The following B3GALT1 variants were observed in gnomAD, a reference collection of about 807,000 sequenced individuals.
The protein encoded by B3GALT1 is UDP-Gal:betaGlcNAc beta 1,3-galactosyltransferase, polypeptide 1.
Under a neutral mutation model 23.2 loss-of-function variants are expected in B3GALT1, and 10 were observed. The ratio of observed to expected loss-of-function variants is 0.43; its 90% confidence interval spans 0.27 to 0.73. B3GALT1 has a LOEUF of 0.73. B3GALT1 is among the 30% of genes least tolerant of loss of function. The pLI is 0.21. For synonymous variants in B3GALT1, 156 were observed against 141.5 expected (o/e 1.10, Z -0.73); for missense variants, 299 against 405.4 (o/e 0.74, Z 2.25).
In B3GALT1 at chr2:167,452,477, G is replaced by A. The variant is rs1007753516; in HGVS notation, c.-510-37700G>A. 3.9e-5 allele frequency among the ~76,000 whole-genome samples: 6 copies of A among 152,278 alleles called. No individual in the cohort carries two copies. In the South Asian group the frequency reaches 1.0e-3, roughly 26 times the overall value. ...GTGATCTGAACCTTCAGGTTCCCCAGTGAGGGTGTGTGTATGGGGGACAGA... is the reference window on the plus strand; with the variant it reads ...GTGATCTGAACCTTCAGGTTCCCCAATGAGGGTGTGTGTATGGGGGACAGA... On this transcript the variant is annotated intron_variant, in intron 1 of 4. Coordinates refer to ENST00000392690, the MANE Select transcript of B3GALT1 (RefSeq NM_020981.4).
intron 2 of B3GALT1, among the ~76,000 whole-genome samples, chr2:167,628,412 A>T (rs1177317848): frequency 6.7e-6 from 1 of 150,146 alleles, no homozygotes; most frequent in Non-Finnish European, 1.5e-5. Context: ...AGTACCATTC[A>T]ATAAAAACTC....
chr2:167,394,989 C>T (rs1232625691), intron 1 of B3GALT1, among the ~76,000 whole-genome samples: 1 of 152,052 alleles, frequency 6.6e-6, no homozygotes, highest in Non-Finnish European at 1.5e-5. Flanking sequence ...AATTTTGCCC[C>T]TGGATGTCGC....
At position 167,457,895 on chromosome 2, in the gene B3GALT1, A is replaced by G. The variant is rs140654780; in HGVS notation, c.-510-32282A>G. On this transcript the variant is annotated intron_variant, in intron 1 of 4. Transcript: ENST00000392690. ...GGTGCTCCCCAACAATCTGTATGTT[A>G]TCAAACACTACAGAAGATTCTGTAC... 3.9e-3 allele frequency among the ~76,000 whole-genome samples: 597 copies of G among 152,326 alleles called. 4 individuals carry two copies. Among genetic ancestry groups the G allele is most frequent in the South Asian group, 0.014 (66 of 4,826 alleles).
At chr2:167,736,345 A>C (rs752584911) in intron 3 of B3GALT1, among the ~76,000 whole-genome samples, 14 of 152,214 alleles carry the variant, frequency 9.2e-5, no homozygotes, top group Non-Finnish European at 1.9e-4. Flanking sequence ...GGCTATGTCA[A>C]AAGATAATTC....
intron 1 of B3GALT1, among the ~76,000 whole-genome samples, chr2:167,372,027 A>G (rs1697694283): frequency 6.6e-6 from 1 of 151,832 alleles, no homozygotes; most frequent in African/African-American, 2.4e-5. Context: ...ATACTAAGGA[A>G]AATAATTTTA....
chr2:167,425,509 G>GA (rs1194316006), intron 1 of B3GALT1, among the ~76,000 whole-genome samples: 7 of 152,114 alleles, frequency 4.6e-5, no homozygotes, highest in Non-Finnish European at 8.8e-5. Flanking sequence ...ATATAGTTGA[G>GA]AAAAAAATTA....
chr2:167,714,741 A>G (rs1207524235), intron 3 of B3GALT1: 4 of 1,613,792 alleles, frequency 2.5e-6, no homozygotes, highest in Non-Finnish European at 3.4e-6. Flanking sequence ...GTTCTCTCCA[A>G]TTCTTCTTCA....
In B3GALT1 at chr2:167,583,357, T is replaced by C. The variant is rs546442166; in HGVS notation, c.-409-63552T>C. On this transcript the variant is annotated intron_variant, in intron 2 of 4. Transcript: ENST00000392690. ...TTGGGAAAAAAAATGCTGTGATCTG[T>C]CATTTTCGTGATTAGAGGTTCTTGT... Among the ~76,000 whole-genome samples the C allele has an allele frequency of 5.8e-4, 89 of 152,218 alleles. 2 individuals carry two copies. Among genetic ancestry groups the C allele is most frequent in the Non-Finnish European group, 1.2e-4 (8 of 68,044 alleles).
chr2:167,837,540 AC>A (rs1457691388), intron 4 of B3GALT1, among the ~76,000 whole-genome samples: 1 of 151,034 alleles, frequency 6.6e-6, no homozygotes, highest in African/African-American at 2.4e-5. Context: ...GTCCTGAGTG[AC>A]CTACAAAGAG....
intron 1 of B3GALT1, among the ~76,000 whole-genome samples, chr2:167,342,548 C>A (rs956520725): frequency 6.6e-6 from 1 of 151,466 alleles, no homozygotes; most frequent in Non-Finnish European, 1.5e-5. Flanking sequence ...TGAGACTGTG[C>A]CACTGCACTC....
At chr2:167,366,577 A>G (rs1208045900) in intron 1 of B3GALT1, among the ~76,000 whole-genome samples, 1 of 152,110 alleles carries the variant, frequency 6.6e-6, no homozygotes, top group Non-Finnish European at 1.5e-5. Context: ...AAAAAGATCA[A>G]ATACAATGTT....
At chr2:167,542,087 A>G (rs1418187803) in intron 2 of B3GALT1, among the ~76,000 whole-genome samples, 3 of 152,014 alleles carry the variant, frequency 2.0e-5, no homozygotes, top group Non-Finnish European at 4.4e-5. Context: ...AATAAATCCT[A>G]TTACTGTTTT....
intron 1 of B3GALT1, among the ~76,000 whole-genome samples, chr2:167,461,484 A>G (rs1699258130): frequency 6.6e-6 from 1 of 152,212 alleles, no homozygotes; most frequent in African/African-American, 2.4e-5. Context: ...CTCTGTGCAC[A>G]GTAAAATTTG....
At chr2:167,664,621 A>C (rs976339302) in intron 3 of B3GALT1, among the ~76,000 whole-genome samples, 7 of 152,038 alleles carry the variant, frequency 4.6e-5, no homozygotes, top group East Asian at 1.9e-4. Flanking sequence ...ATTTGTTTGT[A>C]TCCTCTTTTA....
At chr2:167,366,894 A>T (rs1350800184) in intron 1 of B3GALT1, among the ~76,000 whole-genome samples, 1 of 152,200 alleles carries the variant, frequency 6.6e-6, no homozygotes, top group Non-Finnish European at 1.5e-5. Context: ...TGACAGGGCA[A>T]CTGGCTTCCT....
At chr2:167,506,261 CTT>C (rs891927594) in intron 2 of B3GALT1, among the ~76,000 whole-genome samples, 1 of 152,070 alleles carries the variant, frequency 6.6e-6, no homozygotes, top group Admixed American at 6.5e-5. Context: ...TTTAAAGACT[CTT>C]TATTTTTCAC....
chr2:167,376,022 T>C (rs985453532), intron 1 of B3GALT1, among the ~76,000 whole-genome samples: 1 of 152,196 alleles, frequency 6.6e-6, no homozygotes, highest in South Asian at 2.1e-4. Context: ...TTTGAGGGAT[T>C]TTATCTTAAA....
chr2:167,549,760 T>G (rs1683713185), intron 2 of B3GALT1, among the ~76,000 whole-genome samples: 1 of 152,226 alleles, frequency 6.6e-6, no homozygotes, highest in Non-Finnish European at 1.5e-5. Flanking sequence ...ACTTGCTGCC[T>G]TCTCTCAACC....
intron 1 of B3GALT1, among the ~76,000 whole-genome samples, chr2:167,337,630 CTT>C (rs140435016): frequency 0.016 from 2,415 of 151,808 alleles, 19 homozygotes; most frequent in Non-Finnish European, 0.023. Flanking sequence ...TTTCAAGTGT[CTT>C]TTCCTTGAGC....
Sources: gnomAD v4.1 joint callset for allele counts (sites outside exome capture counted in the v4.1 genomes callset) on GRCh38, gnomAD v4.1.1 for gene constraint, MANE v1.5 for transcripts, NCBI Gene and HGNC (gene_info 2026-07-23, HGNC 2026-07-21) for gene names.